CNTNAP3: variants seen among roughly 807,000 people sequenced by gnomAD.
The protein encoded by CNTNAP3 is contactin-associated protein-like 3.
In CNTNAP3, 36 loss-of-function variants were observed where a neutral mutation model predicts 92.1. The ratio of observed to expected loss-of-function variants is 0.39; its 90% CI spans 0.30 to 0.52. The LOEUF is 0.52. CNTNAP3 is among the 20% of genes least tolerant of loss of function. The pLI is 0.76. For missense variants in CNTNAP3, 534 were observed against 1,069.6 expected, an observed-to-expected ratio of 0.50 and a Z score of 6.98; for synonymous variants, 232 against 422.3, an observed-to-expected ratio of 0.55 and a Z score of 5.53.
At chr9:39,122,440 G>A (rs1476671173) in intron 13 of CNTNAP3, among the ~76,000 whole-genome samples, 1 of 151,984 alleles carries the variant, frequency 6.6e-6, no homozygotes, top group East Asian at 1.9e-4. Context: ...AATCACATCA[G>A]TACATTACCT....
intron 13 of CNTNAP3, among the ~76,000 whole-genome samples, chr9:39,125,462 C>G (rs1486102408): frequency 1.3e-5 from 2 of 152,012 alleles, no homozygotes; most frequent in Non-Finnish European, 2.9e-5. Flanking sequence ...ACATATGTAA[C>G]AAACCTGCAT....
intron 12 of CNTNAP3, among the ~76,000 whole-genome samples, chr9:39,133,699 C>A (rs1200020112): frequency 1.3e-5 from 2 of 151,952 alleles, no homozygotes; most frequent in Non-Finnish European, 2.9e-5. Flanking sequence ...GGCGGTGACC[C>A]TGAGCATCTG....
chr9:39,114,081 CTTTTTTT>C (rs963951891), intron 14 of CNTNAP3, among the ~76,000 whole-genome samples: 7 of 130,302 alleles, frequency 5.4e-5, no homozygotes, highest in Admixed American at 1.6e-4. Context: ...CACACACATA[CTTTTTTT>C]TTTTTTTTTT....
At position 39,065,467 on chromosome 9, in the gene CNTNAP3, G is replaced by A. The variant is rs1308768862; in HGVS notation, c.*8423C>T. ...TGTGTAAGTCTTATAATGGGCATAAGTTTTCATTTCTTTTCAATCTAGGAT... is the reference window on the plus strand; with the variant it reads ...TGTGTAAGTCTTATAATGGGCATAAATTTTCATTTCTTTTCAATCTAGGAT... On this transcript the variant is annotated 3_prime_UTR_variant, in exon 24 of 24. Transcript: ENST00000297668. Among the ~76,000 whole-genome samples the A allele has an allele frequency of 6.6e-6, 1 of 151,076 alleles. No individual in the cohort carries two copies. Among genetic ancestry groups the A allele is most frequent in the Admixed American group, 6.6e-5 (1 of 15,182 alleles).
rs558110900 is a variant in CNTNAP3, at chr9:39,068,964, T to A, written c.*4926A>T. Among the ~76,000 whole-genome samples, 1 of 152,422 alleles carries A rather than the reference T, an allele frequency of 6.6e-6. No individual in the cohort carries two copies. Among genetic ancestry groups the A allele is most frequent in the South Asian group, 2.1e-4 (1 of 4,832 alleles). Reference sequence around the variant, plus strand: ...GGTAAATATGCTCCCTATTACTCCATCTTAGCCAGAAGTAAAATAAGAAAA... The same window carrying A: ...GGTAAATATGCTCCCTATTACTCCAACTTAGCCAGAAGTAAAATAAGAAAA... On this transcript the variant is annotated 3_prime_UTR_variant, in exon 24 of 24. Coordinates refer to ENST00000297668, the MANE Select transcript of CNTNAP3 (RefSeq NM_033655.5).
chr9:39,124,229 T>C (rs1219957059), intron 13 of CNTNAP3, among the ~76,000 whole-genome samples: 3 of 152,140 alleles, frequency 2.0e-5, no homozygotes, highest in Non-Finnish European at 4.4e-5. Flanking sequence ...AGTAGATTGT[T>C]ATAGTGTATA....
At chr9:39,077,052 A>G (rs1825795755) in intron 23 of CNTNAP3, among the ~76,000 whole-genome samples, 2 of 152,294 alleles carry the variant, frequency 1.3e-5, no homozygotes, top group Admixed American at 1.3e-4. Context: ...ATTTTAGAAA[A>G]AAAGTTTTCA....
At chr9:39,106,855 T>C (rs1272071270) in intron 15 of CNTNAP3, among the ~76,000 whole-genome samples, 2 of 152,246 alleles carry the variant, frequency 1.3e-5, no homozygotes, top group South Asian at 2.1e-4. Flanking sequence ...AGCCTGCAGA[T>C]ATACCCTCCA....
At position 39,118,315 on chromosome 9, in the gene CNTNAP3, C is replaced by T. The variant is rs1302047755; in HGVS notation, c.2081-56G>A. On this transcript the variant is annotated intron_variant, in intron 13 of 23. Transcript: ENST00000297668. ...TACTTTGTCCCTCACTACCACCCTC[C>T]CCATATAGCTCCCTTTACTCCCAGG... The T allele has an allele frequency of 1.1e-5, 17 of 1,608,416 alleles. No individual in the cohort carries two copies. In the South Asian group the frequency reaches 1.2e-4, roughly 12 times the overall value.
chr9:39,082,609 T>G (rs1459588179), intron 21 of CNTNAP3, among the ~76,000 whole-genome samples: 1 of 152,294 alleles, frequency 6.6e-6, no homozygotes, highest in African/African-American at 2.4e-5. Flanking sequence ...TGCAAGATGC[T>G]GACAGCACTT....
chr9:39,078,960 C>T (rs1261926856), intron 21 of CNTNAP3, 40 bp from the exon 22 acceptor site: 16 of 1,503,176 alleles, frequency 1.1e-5, no homozygotes, highest in African/African-American at 1.4e-5. Context: ...GGCGCAGCGG[C>T]GGAGATGGGG....
intron 13 of CNTNAP3, among the ~76,000 whole-genome samples, chr9:39,122,890 T>C (rs61510435): frequency 0.11 from 16,131 of 151,956 alleles, 1,032 homozygotes; most frequent in African/African-American, 0.18. Flanking sequence ...GATATGAAAT[T>C]TCAAAGAATC....
rs1232089387 is a variant in CNTNAP3 at position 39,079,018 on chromosome 9, C to T, written c.3443-98G>A. 4.0e-6 allele frequency: 6 copies of T among 1,490,004 alleles called. No individual in the cohort carries two copies. The African/African-American group carries it at 7.0e-5, about 17-fold the overall frequency. The allele number at this position is 1,490,004 out of a possible 1,614,324, so 92.3% of individuals were successfully genotyped here. A position where few individuals can be genotyped will look rare whatever the true frequency, so the allele number is the denominator to read the frequency against. ...CAAGACAGCGACCCTCGTTCCTTCA[C>T]TCCAGGAGAGGTCCCTCCGAACCCC... On this transcript the variant is annotated intron_variant, in intron 21 of 23. Transcript: ENST00000297668.
In CNTNAP3 at chr9:39,119,696, T is replaced by C. The variant is rs555771892; in HGVS notation, c.2081-1437A>G. Reference sequence around the variant, plus strand: ...ACTGATAAAAGATCTTGTAGACTTGTCTATCCCTGCTATTTCCACCAAGTA... The same window carrying C: ...ACTGATAAAAGATCTTGTAGACTTGCCTATCCCTGCTATTTCCACCAAGTA... On this transcript the variant is annotated intron_variant, in intron 13 of 23. Transcript: ENST00000297668. 2.5e-3 allele frequency among the ~76,000 whole-genome samples: 375 copies of C among 152,268 alleles called. 4 individuals carry two copies. The highest frequency in any genetic ancestry group is 8.5e-3 in the African/African-American group (354 of 41,554).
rs1476771335 is a variant in CNTNAP3 at position 39,069,372 on chromosome 9, G to T, written c.*4518C>A. ...ACAAAGTGCTCATGCAGTCACAGAG[G>T]TTCTATTTTAAGGGCTTTCTTAAAT... is the stretch of plus-strand genomic sequence containing the variant. On this transcript the variant is annotated 3_prime_UTR_variant, in exon 24 of 24. Transcript: ENST00000297668. Among the ~76,000 whole-genome samples the T allele has an allele frequency of 2.8e-3, 421 of 148,870 alleles. No homozygotes were observed. The highest frequency in any genetic ancestry group is 9.7e-3 in the African/African-American group (371 of 38,366).
At chr9:39,110,662 C>T (rs1051390180) in intron 14 of CNTNAP3, among the ~76,000 whole-genome samples, 2 of 152,070 alleles carry the variant, frequency 1.3e-5, no homozygotes, top group Non-Finnish European at 2.9e-5. Flanking sequence ...AATTTTGTCT[C>T]TGGCCAAAAT....
chr9:39,150,914 G>A (rs996524458), intron 9 of CNTNAP3, among the ~76,000 whole-genome samples: 5 of 141,072 alleles, frequency 3.5e-5, no homozygotes, highest in Non-Finnish European at 7.7e-5. Flanking sequence ...GACGTAAGCA[G>A]TATTACTCCA....
chr9:39,075,905 A>T (rs1159034097), intron 23 of CNTNAP3, among the ~76,000 whole-genome samples: 1 of 152,308 alleles, frequency 6.6e-6, no homozygotes, highest in Non-Finnish European at 1.5e-5. Context: ...GTTAGGAATG[A>T]TGAGGAGAAA....
chr9:39,114,096 T>G (rs1423691313), intron 14 of CNTNAP3, among the ~76,000 whole-genome samples: 3 of 149,524 alleles, frequency 2.0e-5, no homozygotes, highest in East Asian at 1.9e-4. Context: ...TTTTTTTTTT[T>G]TTTTGAGACA....
Sources: gnomAD v4.1 joint callset for allele counts (sites outside exome capture counted in the v4.1 genomes callset) on GRCh38, gnomAD v4.1.1 for gene constraint, MANE v1.5 for transcripts, NCBI Gene and HGNC (gene_info 2026-07-23, HGNC 2026-07-21) for gene names.